PALS1: variants seen among roughly 807,000 people sequenced by gnomAD.
PALS1 encodes the protein protein PALS1.
PALS1 carries 31 observed loss-of-function variants against 78.9 expected under a neutral mutation model. That is an observed-to-expected ratio of 0.39 (90% CI 0.30 to 0.53). The LOEUF is 0.53. PALS1 is among the 20% of genes least tolerant of loss of function. The pLI is 0.67. For missense variants in PALS1, 704 were observed against 826.5 expected, an observed-to-expected ratio of 0.85 and a Z score of 1.82; for synonymous variants, 276 against 270.9, an observed-to-expected ratio of 1.02 and a Z score of -0.18.
At chr14:67,317,281 A>G (rs1047903587) in intron 10 of PALS1, 127 bp from the exon 11 acceptor site, 12 of 753,222 alleles carry the variant, frequency 1.6e-5, no homozygotes, top group Non-Finnish European at 2.3e-5. Context: ...TGGCCAACAT[A>G]TGGAGATCTC....
chr14:67,281,569 C>A (rs1041396594), intron 3 of PALS1, among the ~76,000 whole-genome samples: 1 of 151,996 alleles, frequency 6.6e-6, no homozygotes, highest in Non-Finnish European at 1.5e-5. Context: ...TTTGTTATAT[C>A]CAGTGCAAAC....
chr14:67,320,997 T>TTA, intron 12 of PALS1, 60 bp from the exon 13 acceptor site: 7 of 1,407,872 alleles, frequency 5.0e-6, no homozygotes, highest in Non-Finnish European at 7.0e-6. Flanking sequence ...ACTAGCAGAA[T>TTA]TATCCCCTGT....
At chr14:67,278,721 G>A in intron 2 of PALS1, among the ~76,000 whole-genome samples, 1 of 152,226 alleles carries the variant, frequency 6.6e-6, no homozygotes, top group East Asian at 1.9e-4. Flanking sequence ...TACCAAACTA[G>A]TACCCCAAAC....
intron 1 of PALS1, among the ~76,000 whole-genome samples, chr14:67,252,733 G>T (rs1028243641): frequency 6.6e-6 from 1 of 152,150 alleles, no homozygotes; most frequent in African/African-American, 2.4e-5. Context: ...AAAAAAGCTC[G>T]GAATGGCACA....
At chr14:67,260,713 T>C (rs2084222081) in intron 1 of PALS1, among the ~76,000 whole-genome samples, 1 of 152,160 alleles carries the variant, frequency 6.6e-6, no homozygotes, top group African/African-American at 2.4e-5. Context: ...ATAAGCAGTA[T>C]GTCAAAGTTT....
At chr14:67,282,635 TAAG>T (rs1434045624) in intron 3 of PALS1, among the ~76,000 whole-genome samples, 1 of 152,142 alleles carries the variant, frequency 6.6e-6, no homozygotes, top group African/African-American at 2.4e-5. Context: ...TTTTGAAAGA[TAAG>T]AAATAGTGAT....
At chr14:67,306,810 T>A (rs896363985) in intron 8 of PALS1, among the ~76,000 whole-genome samples, 1 of 152,210 alleles carries the variant, frequency 6.6e-6, no homozygotes, top group African/African-American at 2.4e-5. Flanking sequence ...TAGGAAATCA[T>A]AATCTTGGTT....
intron 1 of PALS1, among the ~76,000 whole-genome samples, chr14:67,246,355 A>C (rs1156758919): frequency 6.7e-6 from 1 of 149,518 alleles, no homozygotes; most frequent in Non-Finnish European, 1.5e-5. Flanking sequence ...ATTATTTAAA[A>C]ATTTTTTGAG....
chr14:67,251,814 C>T (rs1190547649), intron 1 of PALS1, among the ~76,000 whole-genome samples: 2 of 152,110 alleles, frequency 1.3e-5, no homozygotes, highest in African/African-American at 4.8e-5. Context: ...CTTGGCAGGC[C>T]CCTATAATAG....
At chr14:67,290,341 TAGAC>T (rs1404596825) in intron 3 of PALS1, among the ~76,000 whole-genome samples, 1 of 152,186 alleles carries the variant, frequency 6.6e-6, no homozygotes, top group Non-Finnish European at 1.5e-5. Context: ...ATAGTTCTGA[TAGAC>T]CAGTGAAATA....
chr14:67,302,167 G>C (rs2084940909), intron 6 of PALS1, 49 bp downstream of exon 6: 12 of 1,527,638 alleles, frequency 7.9e-6, no homozygotes, highest in Non-Finnish European at 1.1e-5. Flanking sequence ...TTCTGCTGTT[G>C]TGTGCTTCAA....
intron 3 of PALS1, among the ~76,000 whole-genome samples, chr14:67,284,547 TAAAAAAAAAAAAAAAAAAAAAAAAAA>T (rs36207191): frequency 3.4e-4 from 8 of 23,296 alleles, no homozygotes; most frequent in East Asian, 1.1e-3. Context: ...GCTGCAGTGC[TAAAAAAAAAAAAAAAAAAAAAAAAAA>T]AAAAAAAAAA....
intron 8 of PALS1, among the ~76,000 whole-genome samples, chr14:67,308,561 T>C (rs940675776): frequency 1.4e-4 from 21 of 150,494 alleles, no homozygotes; most frequent in African/African-American, 4.1e-4. Flanking sequence ...TTTTTTTTTT[T>C]TGGAGACAGA....
chr14:67,321,370 A>C, intron 13 of PALS1, 111 bp downstream of exon 13: 29 of 985,764 alleles, frequency 2.9e-5, no homozygotes, highest in Non-Finnish European at 4.1e-5. Context: ...TTAAGTTCTC[A>C]TACGGTTTTT....
intron 14 of PALS1, among the ~76,000 whole-genome samples, chr14:67,326,704 T>C (rs2141027938): frequency 6.6e-6 from 1 of 152,290 alleles, no homozygotes; most frequent in Admixed American, 6.5e-5. Flanking sequence ...GTTCTAGAAG[T>C]TCATATAAAT....
intron 1 of PALS1, among the ~76,000 whole-genome samples, chr14:67,244,074 T>C (rs979889520): frequency 6.6e-6 from 1 of 152,224 alleles, no homozygotes; most frequent in African/African-American, 2.4e-5. Context: ...CTTTTCCAAA[T>C]CACTTAACTG....
chr14:67,313,716 G>A (rs1180989306), intron 9 of PALS1, among the ~76,000 whole-genome samples: 1 of 152,058 alleles, frequency 6.6e-6, no homozygotes, highest in Non-Finnish European at 1.5e-5. Context: ...ACTTTGCCTG[G>A]TGCTGAGATA....
At chr14:67,312,836 G>C in intron 9 of PALS1, 126 bp downstream of exon 9, 1 of 778,636 alleles carries the variant, frequency 1.3e-6, no homozygotes, top group Non-Finnish European at 1.9e-6. Flanking sequence ...TTTTCGTGTA[G>C]TTGGGTTTTT....
intron 9 of PALS1, among the ~76,000 whole-genome samples, chr14:67,313,174 A>G (rs925618810): frequency 6.6e-6 from 1 of 152,202 alleles, no homozygotes; most frequent in African/African-American, 2.4e-5. Context: ...TGATGAAACT[A>G]TCCCTAACTT....
Sources: allele counts gnomAD v4.1 joint callset (sites outside exome capture counted in the v4.1 genomes callset), GRCh38; gene constraint gnomAD v4.1.1; transcripts MANE v1.5; gene names NCBI Gene and HGNC (gene_info 2026-07-23, HGNC 2026-07-21).